FSBP: variants seen among roughly 807,000 people sequenced by gnomAD.
FSBP encodes fibrinogen silencer binding protein.
A neutral mutation model predicts 24.6 loss-of-function variants in FSBP; 18 were observed. The ratio of observed to expected loss-of-function variants is 0.73; its 90% confidence interval spans 0.51 to 1.08. The LOEUF is 1.08. Ranked by LOEUF, FSBP falls within the 50% of genes least tolerant of loss-of-function variation. The pLI is 0.00. For synonymous variants in FSBP, 110 were observed against 125.8 expected (o/e 0.87, Z 0.84); for missense variants, 305 against 347.6 (o/e 0.88, Z 0.98).
At position 94,431,203 on chromosome 8, in the gene FSBP, T is replaced by A; in HGVS notation, c.*928A>T. 1 of 934,402 alleles carries A rather than the reference T, an allele frequency of 1.1e-6. No individual in the cohort carries two copies. The highest frequency in any genetic ancestry group is 1.3e-6 in the Non-Finnish European group (1 of 783,786). The allele number at this position is 934,402 out of a possible 1,614,324, so 57.9% of individuals were successfully genotyped here. The stretch of plus-strand genomic sequence containing the variant: ...AAAATAACAATACTTATAAAATACA[T>A]AAAATTTTAATTTTGTTCATTCTGA... On this transcript the variant is annotated 3_prime_UTR_variant, in exon 2 of 2. Transcript: ENST00000481490.
Position 94,431,929 on chromosome 8 carries a change from A to T in FSBP, c.*202T>A. 8.0e-7 allele frequency: 1 copy of T among 1,249,070 alleles called. No homozygotes were observed. The highest frequency in any genetic ancestry group is 1.0e-6 in the Non-Finnish European group (1 of 987,662). The allele number at this position is 1,249,070 out of a possible 1,614,324, so 77.4% of individuals were successfully genotyped here. On this transcript the variant is annotated 3_prime_UTR_variant, in exon 2 of 2. Transcript: ENST00000481490. The stretch of plus-strand genomic sequence containing the variant: ...AACTTAGGGAAAAAAAAAAGAAGAC[A>T]ATAAAAACTATAACCATGCCAACCA...
In FSBP at chr8:94,436,909, T is replaced by C. The variant is rs1242344687; in HGVS notation, c.-41A>G. 2 of 1,486,016 alleles carry C rather than the reference T, an allele frequency of 1.3e-6. No individual in the cohort carries two copies. The highest frequency in any genetic ancestry group is 1.4e-5 in the South Asian group (1 of 70,390). 92.1% of individuals were successfully genotyped at this position (1,486,016 alleles called of 1,614,324 possible). ...AAGTAGGCAGTTTCTGAAACCACCA[T>C]GCAGCCTTCAGCTCTGCTCAGCTCT... On this transcript the variant is annotated 5_prime_UTR_variant, in exon 1 of 2. An upstream start codon of the reference 5' UTR is lost. Transcript: ENST00000481490.
rs1448865853 is a variant in FSBP, at chr8:94,428,851, C to T, written c.*3280G>A. ...CCCCTAACTCAAAAAAGTCTCAATA[C>T]AAAAAAGAAGAAAAAAAAAGGTTTG... is the stretch of plus-strand genomic sequence containing the variant. On this transcript the variant is annotated 3_prime_UTR_variant, in exon 2 of 2. Transcript: ENST00000481490. 2 of 982,830 alleles carry T rather than the reference C, an allele frequency of 2.0e-6. No homozygotes were observed. The highest frequency in any genetic ancestry group is 2.3e-4 in the East Asian group (2 of 8,764). The allele number at this position is 982,830 out of a possible 1,614,324, so 60.9% of individuals were successfully genotyped here. A position where few individuals can be genotyped will look rare whatever the true frequency, so the allele number is the denominator to read the frequency against.
chr8:94,430,728 T>G lies in FSBP; in HGVS notation c.*1403A>C. On this transcript the variant is annotated 3_prime_UTR_variant, in exon 2 of 2. Transcript: ENST00000481490. The stretch of plus-strand genomic sequence containing the variant: ...ATGTTTTAAAAGCATTTTGTGTTAT[T>G]TGCAAACATTTTAAAATTGGAAGAT... 1.0e-6 allele frequency: 1 copy of G among 955,952 alleles called. No homozygotes were observed. The highest frequency in any genetic ancestry group is 4.8e-5 in the South Asian group (1 of 20,698). The allele number at this position is 955,952 out of a possible 1,614,324, so 59.2% of individuals were successfully genotyped here. A position where few individuals can be genotyped will look rare whatever the true frequency, so the allele number is the denominator to read the frequency against.
Position 94,432,571 on chromosome 8 carries a change from C to T in FSBP, c.460G>A (p.Val154Met), listed in dbSNP as rs773621554. 1.2e-4 allele frequency: 191 copies of T among 1,550,170 alleles called. No homozygotes were observed. Among genetic ancestry groups the T allele is most frequent in the Non-Finnish European group, 1.6e-4 (183 of 1,146,824 alleles). ...DHHPVAITVEVKQEEDIKPPP... is the reference protein window; with the variant it reads ...DHHPVAITVEMKQEEDIKPPP... Reference sequence around the variant, plus strand: ...GGTTTAATGTCTTCTTCTTGCTTCACCTCCACTGTAATAGCAACAGGATGG... The same window carrying T: ...GGTTTAATGTCTTCTTCTTGCTTCATCTCCACTGTAATAGCAACAGGATGG... Residue 154 changes from valine (V) to methionine (M), a missense_variant, in exon 2 of 2, where the codon GTG becomes ATG. Val to Met is a conservative substitution (Grantham distance 21). Transcript: ENST00000481490.
intron 1 of FSBP, 49 bp downstream of exon 1, chr8:94,436,446 T>C (rs1265750668): frequency 9.5e-6 from 14 of 1,479,254 alleles, no homozygotes; most frequent in Admixed American, 2.5e-5. Flanking sequence ...CAAAGCCCAA[T>C]AGATAGGAGG....
rs1041375613 is a variant in FSBP at position 94,430,056 on chromosome 8, G to A, written c.*2075C>T. ...AGGCTGGGCACGGTGGCTCAAGCCT[G>A]TAATCCCAGCACTTTGGGAGGCCGA... On this transcript the variant is annotated 3_prime_UTR_variant, in exon 2 of 2. Transcript: ENST00000481490. 55 of 979,394 alleles carry A rather than the reference G, an allele frequency of 5.6e-5. No individual in the cohort carries two copies. The highest frequency in any genetic ancestry group is 5.2e-4 in the Middle Eastern group (1 of 1,922). The allele number at this position is 979,394 out of a possible 1,614,324, so 60.7% of individuals were successfully genotyped here. A position where few individuals can be genotyped will look rare whatever the true frequency, so the allele number is the denominator to read the frequency against.
At position 94,428,270 on chromosome 8, in the gene FSBP, C is replaced by A. The variant is rs1811994207; in HGVS notation, c.*3861G>T. On this transcript the variant is annotated 3_prime_UTR_variant, in exon 2 of 2. Transcript: ENST00000481490. ...AAACAAAATCACTCTTCTCTATGTT[C>A]TCCCAGCATTACATTTTGTAATTAA... is the stretch of plus-strand genomic sequence containing the variant. 2.1e-6 allele frequency: 2 copies of A among 967,552 alleles called. No homozygotes were observed. 59.9% of individuals were successfully genotyped at this position (967,552 alleles called of 1,614,324 possible).
In FSBP at chr8:94,429,108, C is replaced by G; in HGVS notation, c.*3023G>C. ...AAACAAGATTGACTTGGAAAAGTTG[C>G]TGCAGTAAACTCAAAGAGTGTGATT... On this transcript the variant is annotated 3_prime_UTR_variant, in exon 2 of 2. Transcript: ENST00000481490. 1 of 985,226 alleles carries G rather than the reference C, an allele frequency of 1.0e-6. No homozygotes were observed. Among genetic ancestry groups the G allele is most frequent in the South Asian group, 4.7e-5 (1 of 21,290 alleles). The allele number at this position is 985,226 out of a possible 1,614,324, so 61.0% of individuals were successfully genotyped here.
rs1803110351 is a variant in FSBP at position 94,428,938 on chromosome 8, G to T, written c.*3193C>A. Reference sequence around the variant, plus strand: ...AACAGCCTCGGAAAAGGATTCTATGGTCAAATAAATAATTTTCTTTATACA... The same window carrying T: ...AACAGCCTCGGAAAAGGATTCTATGTTCAAATAAATAATTTTCTTTATACA... On this transcript the variant is annotated 3_prime_UTR_variant, in exon 2 of 2. Transcript: ENST00000481490. The T allele has an allele frequency of 1.0e-6, 1 of 983,628 alleles. No homozygotes were observed. Among genetic ancestry groups the T allele is most frequent in the African/African-American group, 1.7e-5 (1 of 57,168 alleles). The allele number at this position is 983,628 out of a possible 1,614,324, so 60.9% of individuals were successfully genotyped here. A position where few individuals can be genotyped will look rare whatever the true frequency, so the allele number is the denominator to read the frequency against.
chr8:94,434,280 C>T (rs3019154), intron 1 of FSBP, among the ~76,000 whole-genome samples: 61,557 of 151,426 alleles, frequency 0.41, 12,668 homozygotes, highest in Admixed American at 0.51. Context: ...AAATATGCCT[C>T]ATATCTGGAA....
chr8:94,434,718 A>ATATATT (rs1812209001), intron 1 of FSBP, among the ~76,000 whole-genome samples: 1 of 151,640 alleles, frequency 6.6e-6, no homozygotes. Context: ...TAAAGAAATA[A>ATATATT]GCTAATACAG....
At chr8:94,435,058 C>T (rs1812219667) in intron 1 of FSBP, among the ~76,000 whole-genome samples, 1 of 151,882 alleles carries the variant, frequency 6.6e-6, no homozygotes, top group South Asian at 2.1e-4. Flanking sequence ...AAACCTATAC[C>T]TACTAACCAA....
At position 94,433,664 on chromosome 8, in the gene FSBP, G is replaced by A. The variant is rs544523361; in HGVS notation, c.375-1008C>T. ...TTATAAACATAATTTTATGTATAAC[G>A]TGAAGCTGTGAATTAAGAATATCTG... On this transcript the variant is annotated intron_variant, in intron 1 of 1. Transcript: ENST00000481490. 1.2e-4 allele frequency among the ~76,000 whole-genome samples: 18 copies of A among 151,664 alleles called. 1 individual carries two copies. Among genetic ancestry groups the A allele is most frequent in the South Asian group, 1.0e-3 (5 of 4,820 alleles).
At chr8:94,436,187 T>G (rs1175423102) in intron 1 of FSBP, among the ~76,000 whole-genome samples, 1 of 152,106 alleles carries the variant, frequency 6.6e-6, no homozygotes, top group Non-Finnish European at 1.5e-5. Flanking sequence ...ACTAAATAAT[T>G]TAATTTTAAA....
chr8:94,427,931 T>TAAA lies in FSBP; in HGVS notation c.*4197_*4199dup. The TAAA allele has an allele frequency of 1.2e-6, 1 of 800,896 alleles. No individual in the cohort carries two copies. Among genetic ancestry groups the TAAA allele is most frequent in the Non-Finnish European group, 1.5e-6 (1 of 663,650 alleles). 49.6% of individuals were successfully genotyped at this position (800,896 alleles called of 1,614,324 possible). On this transcript the variant is annotated 3_prime_UTR_variant, in exon 2 of 2. Coordinates refer to ENST00000481490, the MANE Select transcript of FSBP (RefSeq NM_001256141.2). ...GATAGAACAGGGTAGAATGACTCCT[T>TAAA]AAAAAAAAAAATGAAATAACACCAA...
Position 94,428,755 on chromosome 8 carries a change from CTT to C in FSBP, c.*3374_*3375del. The C allele has an allele frequency of 1.0e-6, 1 of 985,190 alleles. No individual in the cohort carries two copies. The highest frequency in any genetic ancestry group is 1.2e-6 in the Non-Finnish European group (1 of 829,760). The allele number at this position is 985,190 out of a possible 1,614,324, so 61.0% of individuals were successfully genotyped here. On this transcript the variant is annotated 3_prime_UTR_variant, in exon 2 of 2. Coordinates refer to ENST00000481490, the MANE Select transcript of FSBP (RefSeq NM_001256141.2). ...GTGTACATTCCATTGTACTAGCAAA[CTT>C]TCCCCTATATATTCCCCTTAATGAA...
chr8:94,430,509 T>C lies in FSBP; in HGVS notation c.*1622A>G. The C allele has an allele frequency of 2.2e-6, 2 of 921,262 alleles. No individual in the cohort carries two copies. Among genetic ancestry groups the C allele is most frequent in the Non-Finnish European group, 2.6e-6 (2 of 771,874 alleles). The allele number at this position is 921,262 out of a possible 1,614,324, so 57.1% of individuals were successfully genotyped here. A position where few individuals can be genotyped will look rare whatever the true frequency, so the allele number is the denominator to read the frequency against. ...AGCATGCATCAGAATCGCTAAAGGGTTTATTAAAAGAGATTGCTGACACCC... is the reference window on the plus strand; with the variant it reads ...AGCATGCATCAGAATCGCTAAAGGGCTTATTAAAAGAGATTGCTGACACCC... On this transcript the variant is annotated 3_prime_UTR_variant, in exon 2 of 2. Coordinates refer to ENST00000481490, the MANE Select transcript of FSBP (RefSeq NM_001256141.2).
At position 94,432,275 on chromosome 8, in the gene FSBP, A is replaced by T. The variant is rs1348838090; in HGVS notation, c.756T>A (p.Asn252Lys). The stretch of plus-strand genomic sequence containing the variant: ...TCTTCTCCTGAACATACAATCCAAA[A>T]TTTTTTTGATTTTCTAAAATTATCT... ...EHQIILENQK[N>K]FGLYVQEKRD... Residue 252 changes from asparagine to lysine, a missense_variant, in exon 2 of 2, where the codon AAT becomes AAA. Transcript: ENST00000481490. The T allele has an allele frequency of 9.7e-6, 15 of 1,550,204 alleles. No homozygotes were observed. In the East Asian group the frequency reaches 3.2e-4, roughly 33 times the overall value.
Sources: gnomAD v4.1 joint callset for allele counts (sites outside exome capture counted in the v4.1 genomes callset) on GRCh38, gnomAD v4.1.1 for gene constraint, MANE v1.5 for transcripts, NCBI Gene and HGNC (gene_info 2026-07-23, HGNC 2026-07-21) for gene names.